Variants in AKR1C8 observed in about 807,000 individuals in gnomAD.
The protein encoded by AKR1C8 is aldo-keto reductase family 1 member C8, also known as aldo-keto reductase family 1 member C-like protein 1.
chr10:5,154,097 C>T, the AKR1C8 span: 2 of 463,944 alleles, frequency 4.3e-6, no homozygotes, highest in Non-Finnish European at 9.0e-6. Flanking sequence ...TCTCTGTCAC[C>T]TAAAAGGAGG....
the AKR1C8 span, chr10:5,132,732 G>A: frequency 2.6e-6 from 4 of 1,539,880 alleles, no homozygotes; most frequent in Admixed American, 3.4e-5. Context: ...AGCTTCTATT[G>A]CTAATTTTGT....
chr10:5,164,312 C>T, the AKR1C8 span, among the ~76,000 whole-genome samples: 9 of 152,046 alleles, frequency 5.9e-5, no homozygotes, highest in African/African-American at 1.9e-4. Flanking sequence ...ACAAACCATT[C>T]AGGCCCCCTC....
chr10:5,163,095 T>C, the AKR1C8 span: 1 of 450,440 alleles, frequency 2.2e-6, no homozygotes, highest in South Asian at 1.7e-5. Context: ...AATAGCATTT[T>C]CACTGTCGGT....
the AKR1C8 span, chr10:5,158,458 A>G: frequency 2.8e-6 from 1 of 361,614 alleles, no homozygotes. Context: ...GTAGTGATAC[A>G]TGGGAACAAA....
chr10:5,137,167 T>A, the AKR1C8 span, among the ~76,000 whole-genome samples: 1 of 152,162 alleles, frequency 6.6e-6, no homozygotes, highest in Non-Finnish European at 1.5e-5. Flanking sequence ...CTAGAAACTA[T>A]TCCCTCACTG....
At chr10:5,160,802 C>A in the AKR1C8 span, 1 of 471,086 alleles carries the variant, frequency 2.1e-6, no homozygotes, top group African/African-American at 2.0e-5. Context: ...GTGTCTGCAG[C>A]AGAACATACC....
chr10:5,138,255 C>T, the AKR1C8 span, among the ~76,000 whole-genome samples: 1 of 151,980 alleles, frequency 6.6e-6, no homozygotes, highest in Non-Finnish European at 1.5e-5. Context: ...GAAAAACATT[C>T]CCAGAGCGGC....
At chr10:5,150,279 C>A in the AKR1C8 span, among the ~76,000 whole-genome samples, 2 of 151,916 alleles carry the variant, frequency 1.3e-5, no homozygotes, top group South Asian at 2.1e-4. Flanking sequence ...TGAGAAGGAT[C>A]AAATTAAGAC....
At chr10:5,138,803 A>AGCAAGAGAAATCAG in the AKR1C8 span, among the ~76,000 whole-genome samples, 4 of 151,510 alleles carry the variant, frequency 2.6e-5, no homozygotes, top group African/African-American at 9.7e-5. Context: ...TCAACATAGG[A>AGCAAGAGAAATCAG]GCAAGAGAAA....
the AKR1C8 span, among the ~76,000 whole-genome samples, chr10:5,140,564 A>C: frequency 6.6e-6 from 1 of 151,336 alleles, no homozygotes; most frequent in African/African-American, 2.4e-5. Flanking sequence ...ACCAAACACC[A>C]CATGTTCTCA....
chr10:5,161,448 G>T, the AKR1C8 span, among the ~76,000 whole-genome samples: 4 of 152,132 alleles, frequency 2.6e-5, no homozygotes, highest in Non-Finnish European at 4.4e-5. Context: ...TGGGCTGAAG[G>T]GTACATACGG....
At chr10:5,146,195 G>A in the AKR1C8 span, among the ~76,000 whole-genome samples, 1 of 110,560 alleles carries the variant, frequency 9.0e-6, no homozygotes, top group Non-Finnish European at 1.7e-5. Flanking sequence ...CTGGGGGACT[G>A]TTGTGGGGTG....
the AKR1C8 span, among the ~76,000 whole-genome samples, chr10:5,163,192 A>G: frequency 9.9e-4 from 151 of 152,176 alleles, no homozygotes; most frequent in Non-Finnish European, 3.7e-4. Flanking sequence ...CTCCAGTATA[A>G]CTTCTATTCC....
At chr10:5,136,242 G>T in the AKR1C8 span, among the ~76,000 whole-genome samples, 1 of 152,040 alleles carries the variant, frequency 6.6e-6, no homozygotes, top group Admixed American at 6.6e-5. Flanking sequence ...TCTCTTTGGA[G>T]GGCAAATTTG....
At chr10:5,176,463 T>C in the AKR1C8 span, among the ~76,000 whole-genome samples, 1 of 150,096 alleles carries the variant, frequency 6.7e-6, no homozygotes, top group Non-Finnish European at 1.5e-5. Flanking sequence ...TGATGCAGGC[T>C]CTTTTTTGGT....
the AKR1C8 span, among the ~76,000 whole-genome samples, chr10:5,166,695 A>G: frequency 6.6e-6 from 1 of 152,140 alleles, no homozygotes; most frequent in Non-Finnish European, 1.5e-5. Context: ...CTAGAAGAAA[A>G]CCTAGGCAAT....
the AKR1C8 span, among the ~76,000 whole-genome samples, chr10:5,156,650 T>C: frequency 3.2e-4 from 48 of 152,244 alleles, no homozygotes; most frequent in Middle Eastern, 6.8e-3. Flanking sequence ...ACTTCAGAAG[T>C]TATATGGTTG....
chr10:5,160,081 C>T, the AKR1C8 span: 8 of 291,820 alleles, frequency 2.7e-5, 1 homozygote, highest in East Asian at 4.8e-4. Flanking sequence ...TTTGTAAATG[C>T]TGGAAATCTG....
the AKR1C8 span, among the ~76,000 whole-genome samples, chr10:5,147,304 C>G: frequency 6.6e-6 from 1 of 152,060 alleles, no homozygotes; most frequent in East Asian, 1.9e-4. Flanking sequence ...GCCCCACTTC[C>G]TACATTGAGA....
Sources: allele counts gnomAD v4.1 joint callset (sites outside exome capture counted in the v4.1 genomes callset), GRCh38; gene constraint gnomAD v4.1.1; transcripts MANE v1.5; gene names NCBI Gene and HGNC (gene_info 2026-07-23, HGNC 2026-07-21).